MCF2L2: variants seen among roughly 807,000 people sequenced by gnomAD.
MCF2L2 encodes probable guanine nucleotide exchange factor MCF2L2.
In MCF2L2, 102 loss-of-function variants were observed where a neutral mutation model predicts 150.2. The observed-to-expected ratio is 0.68, with a 90% confidence interval of 0.58 to 0.80. The LOEUF is 0.80. Among genes scored for constraint, MCF2L2 ranks in the 30% least tolerant of loss-of-function variants. MCF2L2 has a pLI of 0.00. For synonymous variants in MCF2L2, 465 were observed against 491.3 expected, an observed-to-expected ratio of 0.95 and a Z score of 0.71; for missense variants, 1,256 against 1,372.8, an observed-to-expected ratio of 0.91 and a Z score of 1.34.
chr3:183,362,867 G>A (rs974922489), intron 3 of MCF2L2, among the ~76,000 whole-genome samples: 1 of 152,076 alleles, frequency 6.6e-6, no homozygotes, highest in Non-Finnish European at 1.5e-5. Context: ...AGTAGAATAA[G>A]AAGACGACAC....
intron 15 of MCF2L2, among the ~76,000 whole-genome samples, chr3:183,252,187 A>G (rs1724577458): frequency 6.6e-6 from 1 of 152,060 alleles, no homozygotes; most frequent in East Asian, 1.9e-4. Flanking sequence ...CAGATATACA[A>G]CATACACATG....
intron 4 of MCF2L2, among the ~76,000 whole-genome samples, chr3:183,339,710 G>A (rs570639696): frequency 2.0e-5 from 3 of 152,300 alleles, no homozygotes; most frequent in Non-Finnish European, 2.9e-5. Flanking sequence ...CATGGAAACT[G>A]CCATGGCTTT....
At chr3:183,383,225 T>TTTATTTAA (rs1171812176) in intron 2 of MCF2L2, among the ~76,000 whole-genome samples, 2 of 145,928 alleles carry the variant, frequency 1.4e-5, no homozygotes, top group African/African-American at 5.1e-5. Flanking sequence ...TATTTATTTA[T>TTTATTTAA]TTTATTTATT....
In MCF2L2 at chr3:183,230,653, C is replaced by G. The variant is rs184775329; in HGVS notation, c.1929+298G>C. On this transcript the variant is annotated intron_variant, in intron 16 of 29. Transcript: ENST00000328913. ...TTAAAAAAACAAGAAATAATCTTCC[C>G]TTATTAAAGTATCAGGAACACTTAT... 3.3e-3 allele frequency among the ~76,000 whole-genome samples: 502 copies of G among 152,252 alleles called. 1 individual carries two copies. Among genetic ancestry groups the G allele is most frequent in the Non-Finnish European group, 6.0e-3 (410 of 68,022 alleles).
At chr3:183,338,051 G>A (rs576295954) in intron 5 of MCF2L2, among the ~76,000 whole-genome samples, 121 of 151,970 alleles carry the variant, frequency 8.0e-4, no homozygotes, top group Non-Finnish European at 1.2e-3. Flanking sequence ...TTTTAGATCC[G>A]TGTTTTGTTT....
intron 21 of MCF2L2, among the ~76,000 whole-genome samples, chr3:183,216,621 G>A (rs1258703661): frequency 1.0e-5 from 1 of 96,768 alleles, no homozygotes; most frequent in Admixed American, 1.5e-4. Flanking sequence ...TTTTTTGAGA[G>A]CGAGAGAGAG....
At chr3:183,258,030 C>T (rs1437038894) in intron 15 of MCF2L2, among the ~76,000 whole-genome samples, 2 of 119,058 alleles carry the variant, frequency 1.7e-5, no homozygotes, top group Non-Finnish European at 3.2e-5. Flanking sequence ...TGCAATGGTG[C>T]CATCTCGGCT....
At position 183,329,802 on chromosome 3, in the gene MCF2L2, G is replaced by A. The variant is rs116721892; in HGVS notation, c.487-6451C>T. On this transcript the variant is annotated intron_variant, in intron 5 of 29. Transcript: ENST00000328913. ...AAAGTGCATTTACACAAACCTAGAT[G>A]GGACAGCCTGCTACATGCATGGGCT... Among the ~76,000 whole-genome samples, 667 of 152,318 alleles carry A rather than the reference G, an allele frequency of 4.4e-3. 4 individuals carry two copies. Among genetic ancestry groups the A allele is most frequent in the African/African-American group, 0.015 (623 of 41,566 alleles).
chr3:183,272,279 G>C (rs1199129189), intron 15 of MCF2L2: 5 of 1,000,208 alleles, frequency 5.0e-6, no homozygotes, highest in African/African-American at 1.7e-5. Context: ...AAAGAACTAG[G>C]TGGTGTCTAC....
intron 1 of MCF2L2, among the ~76,000 whole-genome samples, chr3:183,395,384 A>G (rs1577120659): frequency 6.6e-6 from 1 of 152,360 alleles, no homozygotes; most frequent in South Asian, 2.1e-4. Context: ...ATGTTTATGC[A>G]CATATGTGTG....
intron 1 of MCF2L2, among the ~76,000 whole-genome samples, chr3:183,395,311 A>T (rs937078521): frequency 7.9e-5 from 12 of 152,212 alleles, no homozygotes; most frequent in African/African-American, 2.7e-4. Context: ...GGACACAAAA[A>T]TCCTACAAGT....
chr3:183,233,495 C>G (rs2108675551), intron 15 of MCF2L2, among the ~76,000 whole-genome samples: 1 of 151,976 alleles, frequency 6.6e-6, no homozygotes, highest in East Asian at 1.9e-4. Context: ...CTGACTAAAA[C>G]ACTGATATGA....
At chr3:183,242,905 G>A (rs183542585) in intron 15 of MCF2L2, among the ~76,000 whole-genome samples, 7 of 152,354 alleles carry the variant, frequency 4.6e-5, no homozygotes, top group Admixed American at 3.9e-4. Flanking sequence ...CCAAGGCTGT[G>A]GTGGGAACCC....
chr3:183,387,952 A>G (rs1488688092), intron 2 of MCF2L2, among the ~76,000 whole-genome samples: 5 of 151,666 alleles, frequency 3.3e-5, no homozygotes, highest in Non-Finnish European at 5.9e-5. Context: ...AAAAAAAAAA[A>G]AAGAAGTTAC....
rs1729677776 is a variant in MCF2L2, at chr3:183,318,206, G to C, written c.615C>G (p.Asn205Lys). 6.2e-7 allele frequency: 1 copy of C among 1,614,098 alleles called. No homozygotes were observed. The highest frequency in any genetic ancestry group is 8.5e-7 in the Non-Finnish European group (1 of 1,180,044). ...QWVNHRTAIE[N>K]FALTLKTTAQ... ...CAGTGGTCTTCAAGGTCAAGGCAAA[G>C]TTTTCGATGGCCTGGAAGGTCAGAC... Residue 205 changes from asparagine to lysine, a missense_variant, in exon 7 of 30, where the codon AAC becomes AAG. Transcript: ENST00000328913.
At chr3:183,412,288 TTTG>T (rs145229144) in intron 1 of MCF2L2, among the ~76,000 whole-genome samples, 9,781 of 151,514 alleles carry the variant, frequency 0.065, 662 homozygotes, top group African/African-American at 0.15. Context: ...TGTTTGTTTG[TTTG>T]TTGTTGTTGT....
chr3:183,392,217 G>A (rs563830274), intron 1 of MCF2L2, among the ~76,000 whole-genome samples: 5 of 152,288 alleles, frequency 3.3e-5, no homozygotes, highest in East Asian at 1.9e-4. Context: ...CGATCCCCAC[G>A]CCATCTCATT....
chr3:183,328,373 T>C (rs1730136010), intron 5 of MCF2L2, among the ~76,000 whole-genome samples: 1 of 152,094 alleles, frequency 6.6e-6, no homozygotes, highest in African/African-American at 2.4e-5. Flanking sequence ...AAGTACAGGA[T>C]GCCCAGACTT....
chr3:183,228,184 G>C (rs1723418173), intron 18 of MCF2L2, 113 bp downstream of exon 18: 1 of 734,788 alleles, frequency 1.4e-6, no homozygotes, highest in South Asian at 1.6e-5. Context: ...CTTGGAGTCG[G>C]AGGGAAGCAG....
Sources: allele counts gnomAD v4.1 joint callset (sites outside exome capture counted in the v4.1 genomes callset), GRCh38; gene constraint gnomAD v4.1.1; transcripts MANE v1.5; gene names NCBI Gene and HGNC (gene_info 2026-07-23, HGNC 2026-07-21).